Variants in KLHL22 observed in about 807,000 individuals in gnomAD.
KLHL22 encodes the protein kelch-like protein 22.
KLHL22 carries 18 observed loss-of-function variants against 60.7 expected under a neutral mutation model. The ratio of observed to expected loss-of-function variants is 0.30; its 90% CI spans 0.20 to 0.44. The LOEUF is 0.44. KLHL22 is among the 20% of genes least tolerant of loss of function. The pLI is 1.00. For missense variants in KLHL22, 596 were observed against 852.3 expected, an observed-to-expected ratio of 0.70 and a Z score of 3.74; for synonymous variants, 355 against 354.5, an observed-to-expected ratio of 1.00 and a Z score of -0.01.
At chr22:20,488,894 G>A (rs1265103399) in intron 2 of KLHL22, 91 bp downstream of exon 2, 1 of 1,266,014 alleles carries the variant, frequency 7.9e-7, no homozygotes, top group East Asian at 2.5e-5. Context: ...GAGGTGAGCA[G>A]GAGACCAGCC....
In KLHL22 at chr22:20,457,861, G is replaced by T. The variant is rs773723787; in HGVS notation, c.1252C>A (p.Arg418Ser). 1.2e-6 allele frequency: 2 copies of T among 1,610,880 alleles called. No individual in the cohort carries two copies. Among genetic ancestry groups the T allele is most frequent in the Middle Eastern group, 1.7e-4 (1 of 6,058 alleles). ...DYHNDLNAVE[R>S]YDPATNSWAY... ...CAGGAGTTGGTGGCAGGGTCGTAGC[G>T]CTCCACAGCATTCAGGTCATTGTGG... Residue 418 changes from arginine (R) to serine (S), a missense_variant, in exon 5 of 7, where the codon CGC (arginine) becomes AGC (serine). Physicochemically the swap from Arg to Ser is moderately radical, Grantham distance 110 (BLOSUM62 -1). Coordinates refer to ENST00000328879, the MANE Select transcript of KLHL22 (RefSeq NM_032775.4).
At chr22:20,479,323 A>C (rs1189356697) in intron 2 of KLHL22, among the ~76,000 whole-genome samples, 4 of 152,202 alleles carry the variant, frequency 2.6e-5, no homozygotes, top group Non-Finnish European at 5.9e-5. Context: ...ATAAAGACTT[A>C]AAAGTTTTAA....
chr22:20,441,998 T>C lies in KLHL22; in HGVS notation c.*75A>G. 7.0e-7 allele frequency: 1 copy of C among 1,426,938 alleles called. No individual in the cohort carries two copies. The highest frequency in any genetic ancestry group is 9.3e-7 in the Non-Finnish European group (1 of 1,079,162). The allele number at this position is 1,426,938 out of a possible 1,614,324, so 88.4% of individuals were successfully genotyped here. On this transcript the variant is annotated 3_prime_UTR_variant, in exon 7 of 7. Coordinates refer to ENST00000328879, the MANE Select transcript of KLHL22 (RefSeq NM_032775.4). ...AGGGGCCCTGCCTGGAGTAAAGTGC[T>C]CTGGCCTAGGCTGCGTGGGTTTCAC...
At chr22:20,480,301 T>C (rs2053478023) in intron 2 of KLHL22, among the ~76,000 whole-genome samples, 1 of 152,322 alleles carries the variant, frequency 6.6e-6, no homozygotes, top group Admixed American at 6.5e-5. Flanking sequence ...AATCGTAATA[T>C]TACTGAACTA....
chr22:20,477,849 A>G (rs1260829522), intron 2 of KLHL22, among the ~76,000 whole-genome samples: 1 of 152,158 alleles, frequency 6.6e-6, no homozygotes, highest in Non-Finnish European at 1.5e-5. Flanking sequence ...CCTCCCAAAT[A>G]GCTGGGACTA....
At chr22:20,449,974 A>G in intron 5 of KLHL22, 1 of 550,192 alleles carries the variant, frequency 1.8e-6, no homozygotes. Flanking sequence ...GGCGGCGGCG[A>G]CGCTTCGGCT....
At chr22:20,471,608 G>C in intron 2 of KLHL22, 93 bp from the exon 3 acceptor site, 1 of 1,369,032 alleles carries the variant, frequency 7.3e-7, no homozygotes, top group Non-Finnish European at 1.0e-6. Context: ...AGAACCTGGC[G>C]CTGGTGGCAG....
chr22:20,463,427 T>C (rs1178510924), intron 4 of KLHL22, among the ~76,000 whole-genome samples: 1 of 152,226 alleles, frequency 6.6e-6, no homozygotes, highest in Non-Finnish European at 1.5e-5. Flanking sequence ...AATCCCAAGC[T>C]GTCACCCCCC....
intron 6 of KLHL22, 138 bp from the exon 7 acceptor site, chr22:20,442,576 C>CA: frequency 2.7e-6 from 3 of 1,098,308 alleles, no homozygotes; most frequent in Non-Finnish European, 3.8e-6. Context: ...TGGCACAGGG[C>CA]CAGTGTTGAA....
In KLHL22 at chr22:20,465,769, T is replaced by A. The variant is rs1238653174; in HGVS notation, c.394-193A>T. The A allele has an allele frequency of 1.7e-6, 1 of 602,036 alleles. No homozygotes were observed. The highest frequency in any genetic ancestry group is 2.8e-5 in the East Asian group (1 of 36,328). 37.3% of individuals were successfully genotyped at this position (602,036 alleles called of 1,614,324 possible). A position where few individuals can be genotyped will look rare whatever the true frequency, so the allele number is the denominator to read the frequency against. On this transcript the variant is annotated intron_variant, in intron 3 of 6. Transcript: ENST00000328879. The surrounding 1 kb of genome is among the most constrained non-coding windows in gnomAD (Gnocchi z 4.9). The stretch of plus-strand genomic sequence containing the variant: ...TGCAGACTAGGTTTAAGTCCTGGTT[T>A]GGAAACATACTGGGTGACAGGATAT...
intron 5 of KLHL22, chr22:20,451,836 G>T: frequency 1.3e-6 from 2 of 1,599,684 alleles, no homozygotes; most frequent in Non-Finnish European, 1.7e-6. Flanking sequence ...CATTGTTGGA[G>T]CACCATCCAG....
chr22:20,451,703 A>G (rs903138190), intron 5 of KLHL22: 18 of 1,587,644 alleles, frequency 1.1e-5, no homozygotes, highest in Non-Finnish European at 1.4e-5. Context: ...GCAGGATATG[A>G]AGGTAAGTCC....
chr22:20,462,119 A>C (rs949174641), intron 4 of KLHL22, among the ~76,000 whole-genome samples: 3 of 151,464 alleles, frequency 2.0e-5, no homozygotes, highest in South Asian at 4.2e-4. Context: ...AAACAAAAAA[A>C]CAAAAAAATT....
chr22:20,450,093 C>T (rs1450324278), intron 5 of KLHL22: 1 of 761,882 alleles, frequency 1.3e-6, no homozygotes, highest in African/African-American at 1.7e-5. Context: ...ATCCAAGGAC[C>T]TATTTTTGTT....
At chr22:20,462,249 C>T (rs1442652486) in intron 4 of KLHL22, among the ~76,000 whole-genome samples, 5 of 146,556 alleles carry the variant, frequency 3.4e-5, no homozygotes, top group African/African-American at 1.3e-4. Context: ...TGCACTCCAG[C>T]CTGGGCGACA....
intron 1 of KLHL22, chr22:20,491,277 A>G (rs550057224): frequency 6.6e-6 from 1 of 152,262 alleles, no homozygotes; most frequent in East Asian, 1.9e-4. Flanking sequence ...TTTTTATGGA[A>G]GCTTCATTAT....
At chr22:20,493,169 C>A (rs780550964) in intron 1 of KLHL22, 1 of 471,138 alleles carries the variant, frequency 2.1e-6, no homozygotes, top group Non-Finnish European at 4.4e-6. Context: ...ATAGTAGTGC[C>A]TCTGCTCTCT....
intron 2 of KLHL22, among the ~76,000 whole-genome samples, chr22:20,476,327 A>G (rs1018961429): frequency 8.0e-5 from 12 of 150,032 alleles, no homozygotes; most frequent in African/African-American, 3.0e-4. Flanking sequence ...CTCTGGGACT[A>G]TATTGGCAGC....
intron 1 of KLHL22, chr22:20,493,095 G>A: frequency 2.1e-6 from 1 of 465,754 alleles, no homozygotes; most frequent in South Asian, 1.6e-5. Context: ...CTTCTCTGAG[G>A]GTGACCTCCA....
Sources: allele counts gnomAD v4.1 joint callset (sites outside exome capture counted in the v4.1 genomes callset), GRCh38; gene constraint gnomAD v4.1.1; non-coding constraint Gnocchi (gnomAD v3.1); transcripts MANE v1.5; gene names NCBI Gene and HGNC (gene_info 2026-07-23, HGNC 2026-07-21).